The following TRIM5 variants were observed in gnomAD, a reference collection of about 807,000 sequenced individuals.
TRIM5 encodes the protein tripartite motif containing 5.
Under a neutral mutation model 35.6 loss-of-function variants are expected in TRIM5, and 31 were observed. The ratio of observed to expected loss-of-function variants is 0.87; its 90% confidence interval spans 0.65 to 1.18. TRIM5 has a LOEUF of 1.18. Among genes scored for constraint, TRIM5 ranks in the 50% most tolerant of loss-of-function variants. The pLI, the probability that TRIM5 is intolerant of heterozygous loss-of-function variation, is 0.00. For missense variants in TRIM5, 609 were observed against 591.6 expected, an observed-to-expected ratio of 1.03 and a Z score of -0.31; for synonymous variants, 243 against 215.6, an observed-to-expected ratio of 1.13 and a Z score of -1.11.
chr11:5,595,686 G>C, the TRIM5 span, among the ~76,000 whole-genome samples: 1 of 151,738 alleles, frequency 6.6e-6, no homozygotes, highest in Non-Finnish European at 1.5e-5. Flanking sequence ...CATCAGGTAA[G>C]ATGAACAGCT....
the TRIM5 span, chr11:5,641,310 C>A: frequency 6.4e-7 from 1 of 1,558,806 alleles, no homozygotes; most frequent in South Asian, 1.2e-5. Context: ...TTGGATGTAT[C>A]GTTATCTTAA....
the TRIM5 span, chr11:5,603,755 T>A: frequency 1.4e-3 from 2,307 of 1,609,896 alleles, 34 homozygotes; most frequent in African/African-American, 0.024. Flanking sequence ...CAGGATGGAA[T>A]GGGAGACAGA....
Position 5,665,071 on chromosome 11 carries a change from C to A in TRIM5, c.1220G>T (p.Gly407Val). The stretch of plus-strand genomic sequence containing the variant: ...ATCCTGGAAAGCACTACATTTAACT[C>A]CTTCCTCTAACCCTATAACCCAGTA... ...YGYWVIGLEE[G>V]VKCSAFQDSS... Residue 407 changes from glycine (G) to valine (V), a missense_variant, in exon 8 of 8, where the codon GGA becomes GTA. Transcript: ENST00000380034. 1.2e-6 allele frequency: 2 copies of A among 1,614,114 alleles called. No homozygotes were observed. The highest frequency in any genetic ancestry group is 2.2e-5 in the South Asian group (2 of 91,072).
intron 4 of TRIM5, among the ~76,000 whole-genome samples, chr11:5,676,958 T>G (rs902381310): frequency 2.0e-5 from 3 of 151,810 alleles, no homozygotes; most frequent in African/African-American, 7.3e-5. Flanking sequence ...CAATTCAAGA[T>G]GGATTAAAGA....
chr11:5,628,808 T>TTC, the TRIM5 span, among the ~76,000 whole-genome samples: 1 of 151,436 alleles, frequency 6.6e-6, no homozygotes, highest in Non-Finnish European at 1.5e-5. Context: ...CAAAGTTGAT[T>TTC]TTTTTTTTTC....
At chr11:5,642,321 A>T in the TRIM5 span, 1 of 1,224,804 alleles carries the variant, frequency 8.2e-7, no homozygotes, top group Non-Finnish European at 1.2e-6. Context: ...TGCATCAGTG[A>T]TGTGAAGGAG....
the TRIM5 span, among the ~76,000 whole-genome samples, chr11:5,657,905 C>T: frequency 2.0e-5 from 3 of 150,610 alleles, no homozygotes; most frequent in Admixed American, 6.7e-5. Context: ...CCTGAGCCAC[C>T]ATGTCTGGCA....
the TRIM5 span, among the ~76,000 whole-genome samples, chr11:5,607,082 T>C: frequency 6.6e-6 from 1 of 151,948 alleles, no homozygotes. Context: ...CGGGCGCCTG[T>C]AGTCCCAGCT....
the TRIM5 span, chr11:5,645,867 G>GAGAAAAAA: frequency 7.4e-6 from 1 of 134,520 alleles, no homozygotes; most frequent in East Asian, 2.4e-4. Context: ...TAGTCTTCTG[G>GAGAAAAAA]AAAAAAAAAA....
downstream of TRIM5, among the ~76,000 whole-genome samples, chr11:5,659,589 C>G (rs1208750161): frequency 6.6e-6 from 1 of 152,184 alleles, no homozygotes; most frequent in African/African-American, 2.4e-5. Context: ...AATTCATATT[C>G]TTTTAATTCA....
chr11:5,596,674 A>G, the TRIM5 span: 1 of 629,022 alleles, frequency 1.6e-6, no homozygotes, highest in East Asian at 3.0e-5. Flanking sequence ...CAAACTCCTG[A>G]CCTGTGGGTC....
At chr11:5,615,131 A>G in the TRIM5 span, among the ~76,000 whole-genome samples, 1 of 152,220 alleles carries the variant, frequency 6.6e-6, no homozygotes, top group Non-Finnish European at 1.5e-5. Context: ...TGGTCCAGAT[A>G]CAGACTTTAT....
At chr11:5,634,712 G>C in the TRIM5 span, 22 of 1,614,094 alleles carry the variant, frequency 1.4e-5, no homozygotes, top group Admixed American at 3.5e-4. Flanking sequence ...GGAGCAGAGA[G>C]AGCTGCAAAG....
the TRIM5 span, among the ~76,000 whole-genome samples, chr11:5,637,547 G>C: frequency 6.6e-6 from 1 of 152,196 alleles, no homozygotes; most frequent in Admixed American, 6.5e-5. Context: ...GTAGCTAAAT[G>C]AGGGAAAGAA....
intron 4 of TRIM5, among the ~76,000 whole-genome samples, chr11:5,673,632 C>G (rs1167245483): frequency 1.3e-5 from 2 of 152,002 alleles, no homozygotes; most frequent in East Asian, 3.8e-4. Context: ...ATATTCTTTT[C>G]AAATGCATAT....
chr11:5,681,939 C>T (rs1207527240), intron 1 of TRIM5, among the ~76,000 whole-genome samples: 2 of 152,168 alleles, frequency 1.3e-5, no homozygotes, highest in Non-Finnish European at 2.9e-5. Context: ...GCTGGGACCA[C>T]AGGCACGCAC....
Position 5,664,368 on chromosome 11 carries a change from T to G in TRIM5, c.*441A>C, listed in dbSNP as rs2134013584. 1.0e-6 allele frequency: 1 copy of G among 993,828 alleles called. No individual in the cohort carries two copies. The highest frequency in any genetic ancestry group is 5.5e-5 in the Admixed American group (1 of 18,044). The allele number at this position is 993,828 out of a possible 1,614,324, so 61.6% of individuals were successfully genotyped here. A position where few individuals can be genotyped will look rare whatever the true frequency, so the allele number is the denominator to read the frequency against. ...GTATACCATTTATGATATTTTCTCT[T>G]TAACTCACAAATAAGGGCATCGAGG... On this transcript the variant is annotated 3_prime_UTR_variant, in exon 8 of 8. Coordinates refer to ENST00000380034, the MANE Select transcript of TRIM5 (RefSeq NM_033034.3).
At chr11:5,651,557 G>A in the TRIM5 span, among the ~76,000 whole-genome samples, 1 of 152,122 alleles carries the variant, frequency 6.6e-6, no homozygotes, top group Non-Finnish European at 1.5e-5. Flanking sequence ...TGGCCATTTA[G>A]GTTGTTTCCA....
At chr11:5,675,365 A>G (rs983772958) in intron 4 of TRIM5, among the ~76,000 whole-genome samples, 1 of 152,172 alleles carries the variant, frequency 6.6e-6, no homozygotes, top group African/African-American at 2.4e-5. Context: ...TCCGAGGAAT[A>G]CAGCATGAGA....
Sources: allele counts gnomAD v4.1 joint callset (sites outside exome capture counted in the v4.1 genomes callset), GRCh38; gene constraint gnomAD v4.1.1; transcripts MANE v1.5; gene names NCBI Gene and HGNC (gene_info 2026-07-23, HGNC 2026-07-21).